PDGFD: variants seen among roughly 807,000 people sequenced by gnomAD.
PDGFD encodes the protein platelet-derived growth factor D.
A neutral mutation model predicts 44.7 loss-of-function variants in PDGFD; 30 were observed. That is an observed-to-expected ratio of 0.67 (90% CI 0.50 to 0.91). The LOEUF (loss-of-function observed/expected upper bound fraction) is 0.91. Among genes scored for constraint, PDGFD ranks in the 40% least tolerant of loss-of-function variants. The probability of loss-of-function intolerance (pLI) is 0.00; values close to 1 mark genes in which losing one functional copy is unlikely to be tolerated. For synonymous variants in PDGFD, 173 were observed against 168.4 expected, an observed-to-expected ratio of 1.03 and a Z score of -0.21; for missense variants, 445 against 457.8, an observed-to-expected ratio of 0.97 and a Z score of 0.25.
chr11:103,926,636 T>A (rs191786126), intron 6 of PDGFD, among the ~76,000 whole-genome samples: 1 of 152,240 alleles, frequency 6.6e-6, no homozygotes, highest in Non-Finnish European at 1.5e-5. Flanking sequence ...GAAATTACTG[T>A]ATCACATATT....
At chr11:104,025,587 C>T (rs1485964295) in intron 1 of PDGFD, among the ~76,000 whole-genome samples, 1 of 152,084 alleles carries the variant, frequency 6.6e-6, no homozygotes, top group East Asian at 1.9e-4. Flanking sequence ...TAAACTGAGA[C>T]CAGAATAAGA....
chr11:104,048,758 T>G (rs1405626705), intron 1 of PDGFD, among the ~76,000 whole-genome samples: 1 of 152,170 alleles, frequency 6.6e-6, no homozygotes, highest in Non-Finnish European at 1.5e-5. Context: ...CACTGAGAGT[T>G]ATACAATGCA....
At chr11:103,974,152 GT>G (rs1485570907) in intron 3 of PDGFD, among the ~76,000 whole-genome samples, 8 of 152,098 alleles carry the variant, frequency 5.3e-5, no homozygotes, top group African/African-American at 1.9e-4. Flanking sequence ...ATATTAAGGA[GT>G]TAGAGAGGCA....
At chr11:104,131,693 T>C (rs1861921389) in intron 1 of PDGFD, among the ~76,000 whole-genome samples, 1 of 151,178 alleles carries the variant, frequency 6.6e-6, no homozygotes, top group Non-Finnish European at 1.5e-5. Context: ...CTAGCAATTG[T>C]ACCTTGAAGA....
intron 1 of PDGFD, among the ~76,000 whole-genome samples, chr11:104,088,459 T>A (rs1861165863): frequency 6.6e-6 from 1 of 152,202 alleles, no homozygotes; most frequent in Non-Finnish European, 1.5e-5. Context: ...GAATCTTCAT[T>A]ACCTAGAATA....
chr11:104,024,642 A>G (rs1007137538), intron 1 of PDGFD, among the ~76,000 whole-genome samples: 7 of 152,214 alleles, frequency 4.6e-5, no homozygotes, highest in South Asian at 2.1e-4. Context: ...TATACCATAC[A>G]GCGTTGTAGG....
intron 3 of PDGFD, among the ~76,000 whole-genome samples, chr11:103,992,433 G>C (rs1255975894): frequency 2.0e-5 from 3 of 152,184 alleles, no homozygotes; most frequent in African/African-American, 7.2e-5. Flanking sequence ...TACATCCTAT[G>C]CATTGTGCTA....
chr11:103,979,745 C>T, intron 3 of PDGFD, among the ~76,000 whole-genome samples: 1 of 152,080 alleles, frequency 6.6e-6, no homozygotes, highest in East Asian at 1.9e-4. Flanking sequence ...GGCCACAAAA[C>T]ATAAGATCTG....
At chr11:104,070,411 AC>A (rs1860856842) in intron 1 of PDGFD, among the ~76,000 whole-genome samples, 2 of 152,290 alleles carry the variant, frequency 1.3e-5, no homozygotes, top group South Asian at 4.1e-4. Context: ...GTCTTCCAAA[AC>A]TGAGAAACCC....
Position 104,130,535 on chromosome 11 carries a change from C to T in PDGFD, c.124+33269G>A, listed in dbSNP as rs1190767039. Among the ~76,000 whole-genome samples the T allele has an allele frequency of 3.9e-5, 6 of 152,158 alleles. No individual in the cohort carries two copies. In the South Asian group the frequency reaches 8.3e-4, roughly 21 times the overall value. On this transcript the variant is annotated intron_variant, in intron 1 of 6. Transcript: ENST00000393158. ...GTATCTGAGCAACATAAATTAATGCCTCTGGCTGCTAAGACACAACAGAAG... is the reference window on the plus strand; with the variant it reads ...GTATCTGAGCAACATAAATTAATGCTTCTGGCTGCTAAGACACAACAGAAG...
At chr11:104,140,554 C>T (rs939117781) in intron 1 of PDGFD, among the ~76,000 whole-genome samples, 7 of 151,916 alleles carry the variant, frequency 4.6e-5, no homozygotes, top group African/African-American at 1.7e-4. Flanking sequence ...GGAAAGAGTC[C>T]CCCAACTTTC....
At chr11:104,017,003 G>A (rs1016153684) in intron 1 of PDGFD, among the ~76,000 whole-genome samples, 1 of 152,110 alleles carries the variant, frequency 6.6e-6, no homozygotes, top group Non-Finnish European at 1.5e-5. Context: ...TCTAACCCTC[G>A]AGGTGATGGT....
At chr11:104,103,627 G>GC (rs1861430258) in intron 1 of PDGFD, among the ~76,000 whole-genome samples, 1 of 151,512 alleles carries the variant, frequency 6.6e-6, no homozygotes, top group Non-Finnish European at 1.5e-5. Flanking sequence ...CAGGATTGTG[G>GC]CCCCATCAAA....
intron 1 of PDGFD, among the ~76,000 whole-genome samples, chr11:104,061,335 C>T (rs1796401506): frequency 6.6e-6 from 1 of 151,776 alleles, no homozygotes; most frequent in Admixed American, 6.6e-5. Context: ...GACACCAAAA[C>T]ATGTACTGAA....
At chr11:104,130,236 C>T (rs372677481) in intron 1 of PDGFD, among the ~76,000 whole-genome samples, 116 of 152,076 alleles carry the variant, frequency 7.6e-4, no homozygotes, top group African/African-American at 2.8e-3. Context: ...TTGTAATCCC[C>T]CCCTTTTCTC....
At chr11:104,138,596 C>G (rs1318083523) in intron 1 of PDGFD, among the ~76,000 whole-genome samples, 1 of 152,216 alleles carries the variant, frequency 6.6e-6, no homozygotes, top group African/African-American at 2.4e-5. Context: ...GATGGCCTGA[C>G]TCTGCAGGTG....
intron 1 of PDGFD, among the ~76,000 whole-genome samples, chr11:104,049,782 T>C (rs560311246): frequency 1.5e-4 from 23 of 152,098 alleles, no homozygotes; most frequent in Non-Finnish European, 3.1e-4. Context: ...GCTGGGAGTT[T>C]AGGATGAGGT....
At chr11:104,133,997 CT>C (rs1400135711) in intron 1 of PDGFD, among the ~76,000 whole-genome samples, 1 of 152,164 alleles carries the variant, frequency 6.6e-6, no homozygotes, top group Non-Finnish European at 1.5e-5. Context: ...GTGCAATCTC[CT>C]TGTTTCTCTG....
intron 1 of PDGFD, among the ~76,000 whole-genome samples, chr11:104,141,115 T>C (rs758197542): frequency 7.9e-5 from 12 of 152,210 alleles, no homozygotes; most frequent in Non-Finnish European, 1.6e-4. Context: ...CTACCTAACA[T>C]GCCTTCTCTT....
Sources: allele counts gnomAD v4.1 joint callset (sites outside exome capture counted in the v4.1 genomes callset), GRCh38; gene constraint gnomAD v4.1.1; transcripts MANE v1.5; gene names NCBI Gene and HGNC (gene_info 2026-07-23, HGNC 2026-07-21).